The following PTPRZ1 variants were observed in gnomAD, a reference collection of about 807,000 sequenced individuals.
The protein encoded by PTPRZ1 is receptor-type tyrosine-protein phosphatase zeta.
PTPRZ1 carries 82 observed loss-of-function variants against 214.1 expected under a neutral mutation model. The ratio of observed to expected loss-of-function variants is 0.38; its 90% confidence interval spans 0.32 to 0.46. The LOEUF (loss-of-function observed/expected upper bound fraction) is 0.46, where lower values mean the gene tolerates loss of function less well. PTPRZ1 is among the 20% of genes least tolerant of loss of function. PTPRZ1 has a pLI of 1.00. For synonymous variants in PTPRZ1, 945 were observed against 987.9 expected (o/e 0.96, Z 0.81); for missense variants, 2,603 against 2,748.7 (o/e 0.95, Z 1.19).
Position 122,010,789 on chromosome 7 carries a change from T to A in PTPRZ1, c.1743T>A (p.Thr581=). The A allele has an allele frequency of 6.2e-7, 1 of 1,614,030 alleles. No individual in the cohort carries two copies. ...ESLLTSFKLD[T]GAEDSSGSSP... ...TATTGACCAGTTTCAAGCTTGATAC[T>A]GGAGCTGAAGATTCTTCAGGCTCCA... Residue 581 remains threonine, a synonymous_variant, in exon 12 of 30, where the codon ACT becomes ACA. Transcript: ENST00000393386.
At position 122,031,566 on chromosome 7, in the gene PTPRZ1, T is replaced by C; in HGVS notation, c.5166+7T>C. 1.3e-6 allele frequency: 2 copies of C among 1,564,262 alleles called. No homozygotes were observed. The highest frequency in any genetic ancestry group is 1.8e-6 in the Non-Finnish European group (2 of 1,139,246). On this transcript the variant is annotated splice_region_variant and intron_variant, in intron 15 of 29. Transcript: ENST00000393386. ...GTTTACTGAAGAATTTGAGGTATGATTTTAATATGTCTATTTTAAATAATA... is the reference window on the plus strand; with the variant it reads ...GTTTACTGAAGAATTTGAGGTATGACTTTAATATGTCTATTTTAAATAATA...
intron 1 of PTPRZ1, among the ~76,000 whole-genome samples, chr7:121,903,207 T>C (rs571057310): frequency 7.4e-4 from 113 of 152,312 alleles, no homozygotes; most frequent in African/African-American, 2.5e-3. Context: ...TGTGTTATTA[T>C]AGTTAGGTAC....
chr7:122,047,324 T>C (rs979361709), intron 23 of PTPRZ1, among the ~76,000 whole-genome samples: 16 of 152,118 alleles, frequency 1.1e-4, no homozygotes, highest in Non-Finnish European at 2.1e-4. Context: ...AAGAAAACTT[T>C]GAGTTAGTAA....
intron 8 of PTPRZ1, among the ~76,000 whole-genome samples, chr7:121,985,407 C>T (rs1797737686): frequency 2.0e-5 from 3 of 152,170 alleles, no homozygotes; most frequent in Non-Finnish European, 4.4e-5. Context: ...ACTGGTTCTG[C>T]ATCACTTTTG....
intron 6 of PTPRZ1, among the ~76,000 whole-genome samples, chr7:121,983,399 A>G (rs962969280): frequency 2.0e-5 from 3 of 152,242 alleles, no homozygotes; most frequent in Non-Finnish European, 2.9e-5. Context: ...TGAGATGATC[A>G]TCTGATTTCT....
At chr7:121,876,911 C>T (rs1794080067) in intron 1 of PTPRZ1, among the ~76,000 whole-genome samples, 1 of 152,118 alleles carries the variant, frequency 6.6e-6, no homozygotes, top group African/African-American at 2.4e-5. Flanking sequence ...GCTGCGTTTT[C>T]TCATTCCCTT....
chr7:121,997,220 G>A (rs1798170387), intron 9 of PTPRZ1, among the ~76,000 whole-genome samples: 1 of 152,124 alleles, frequency 6.6e-6, no homozygotes, highest in Non-Finnish European at 1.5e-5. Context: ...GGTCCAGAAA[G>A]TCCCCACTGC....
chr7:122,044,630 A>C, intron 23 of PTPRZ1, 62 bp downstream of exon 23: 47 of 1,544,078 alleles, frequency 3.0e-5, no homozygotes, highest in Non-Finnish European at 4.0e-5. Flanking sequence ...GCATCTTCTC[A>C]TTTGAGTTGA....
At chr7:122,054,807 T>C in intron 26 of PTPRZ1, 134 bp from the exon 27 acceptor site, 1 of 858,742 alleles carries the variant, frequency 1.2e-6, no homozygotes, top group Non-Finnish European at 1.7e-6. Context: ...AGAAAGATGT[T>C]AAGAGTAAAT....
Position 122,010,452 on chromosome 7 carries a change from G to A in PTPRZ1, c.1406G>A (p.Arg469His), listed in dbSNP as rs185158958. ...PQISTTTHYN[R>H]IGTKYNEAKT... ...ATTTCTACCACAACACACTACAATC[G>A]CATAGGGACGAAATACAATGAAGCC... Residue 469 changes from arginine (R) to histidine (H), a missense_variant, in exon 12 of 30, where the codon CGC (arginine) becomes CAC (histidine). Around this residue, in one of 6 missense-constraint regions of PTPRZ1, gnomAD observed 1,913 missense variants for 1,914.3 expected, o/e 1.00. Transcript: ENST00000393386. The A allele has an allele frequency of 2.5e-4, 404 of 1,613,982 alleles. No homozygotes were observed. The highest frequency in any genetic ancestry group is 4.7e-4 in the Admixed American group (28 of 59,994).
chr7:121,895,992 T>C (rs1407304601), intron 1 of PTPRZ1, among the ~76,000 whole-genome samples: 1 of 152,222 alleles, frequency 6.6e-6, no homozygotes, highest in African/African-American at 2.4e-5. Flanking sequence ...TTCTGCCTAT[T>C]TTCCCAATCA....
At chr7:121,906,951 A>G (rs1314016115) in intron 1 of PTPRZ1, among the ~76,000 whole-genome samples, 1 of 152,088 alleles carries the variant, frequency 6.6e-6, no homozygotes, top group African/African-American at 2.4e-5. Flanking sequence ...GTATACTTAT[A>G]TATTATGTTT....
At chr7:121,908,584 C>T (rs559151170) in intron 1 of PTPRZ1, 28 of 351,592 alleles carry the variant, frequency 8.0e-5, no homozygotes, top group Admixed American at 5.2e-4. Flanking sequence ...GTATCTTTTA[C>T]GTCTGTAATG....
chr7:122,054,575 T>C (rs1273016501), intron 26 of PTPRZ1, among the ~76,000 whole-genome samples: 2 of 152,052 alleles, frequency 1.3e-5, no homozygotes, highest in Non-Finnish European at 2.9e-5. Context: ...TACTTAGCTT[T>C]GATATTCAGT....
In PTPRZ1 at chr7:122,011,317, A is replaced by G. The variant is rs1410073094; in HGVS notation, c.2271A>G (p.Thr757=). The G allele has an allele frequency of 4.3e-6, 7 of 1,614,066 alleles. No individual in the cohort carries two copies. The highest frequency in any genetic ancestry group is 1.3e-5 in the African/African-American group (1 of 75,004). The stretch of plus-strand genomic sequence containing the variant: ...CCCAACCGGTATACAATGGTGAGAC[A>G]CCTCTTCAACCTTCCTACAGTAGTG... ...QTTQPVYNGE[T]PLQPSYSSEV... The change falls in exon 12 of 30, where the codon ACA becomes ACG. Residue 757 remains threonine (T), a synonymous_variant. Coordinates refer to ENST00000393386, the MANE Select transcript of PTPRZ1 (RefSeq NM_002851.3).
intron 6 of PTPRZ1, among the ~76,000 whole-genome samples, chr7:121,978,042 C>T (rs1209180180): frequency 3.9e-5 from 6 of 152,084 alleles, no homozygotes; most frequent in Non-Finnish European, 8.8e-5. Context: ...TTCCCAGGTA[C>T]TTTACTTTTT....
chr7:122,021,902 A>G (rs1051302514), intron 13 of PTPRZ1, among the ~76,000 whole-genome samples: 6 of 152,226 alleles, frequency 3.9e-5, no homozygotes, highest in Non-Finnish European at 8.8e-5. Context: ...ATAAATTTTC[A>G]TATCATCATA....
intron 1 of PTPRZ1, among the ~76,000 whole-genome samples, chr7:121,903,336 A>C (rs921023171): frequency 5.3e-5 from 8 of 152,168 alleles, no homozygotes; most frequent in African/African-American, 1.9e-4. Flanking sequence ...CTACAGTATC[A>C]TTTATTCACT....
At chr7:122,041,502 A>AGCTTATTAACTAT (rs1799732808) in intron 21 of PTPRZ1, among the ~76,000 whole-genome samples, 1 of 148,032 alleles carries the variant, frequency 6.8e-6, no homozygotes, top group Admixed American at 6.6e-5. Flanking sequence ...AATACATTAC[A>AGCTTATTAACTAT]TTGAATGTAT....
Sources: allele counts gnomAD v4.1 joint callset (sites outside exome capture counted in the v4.1 genomes callset), GRCh38; gene constraint gnomAD v4.1.1; regional missense constraint gnomAD v4.1.1; transcripts MANE v1.5; gene names NCBI Gene and HGNC (gene_info 2026-07-23, HGNC 2026-07-21).